ZDHHC20: variants seen among roughly 807,000 people sequenced by gnomAD.
ZDHHC20 encodes zDHHC palmitoyltransferase 20.
In ZDHHC20, 43 loss-of-function variants were observed where a neutral mutation model predicts 57.8. The observed-to-expected ratio is 0.74, with a 90% confidence interval of 0.58 to 0.96. The LOEUF is 0.96. ZDHHC20 is among the 40% of genes least tolerant of loss of function. The pLI is 0.00. For missense variants in ZDHHC20, 391 were observed against 441.1 expected (o/e 0.89, Z 1.02); for synonymous variants, 157 against 153.0 (o/e 1.03, Z -0.19).
intron 7 of ZDHHC20, among the ~76,000 whole-genome samples, chr13:21,396,477 G>A (rs184548902): frequency 1.3e-5 from 2 of 152,202 alleles, no homozygotes; most frequent in East Asian, 1.9e-4. Flanking sequence ...AAAAAGAACT[G>A]CTTTAAAAAT....
intron 1 of ZDHHC20, among the ~76,000 whole-genome samples, chr13:21,454,904 T>A (rs1204255513): frequency 2.6e-5 from 4 of 151,446 alleles, no homozygotes; most frequent in Non-Finnish European, 5.9e-5. Flanking sequence ...ATAGCTCTTT[T>A]GTTTGTTTGT....
intron 1 of ZDHHC20, among the ~76,000 whole-genome samples, chr13:21,447,277 GCTCTCC>G (rs1169530125): frequency 7.1e-4 from 105 of 147,942 alleles, no homozygotes; most frequent in African/African-American, 1.6e-3. Flanking sequence ...AGATGTGAGC[GCTCTCC>G]CTCTCCCTCT....
intron 8 of ZDHHC20, among the ~76,000 whole-genome samples, chr13:21,389,447 C>T (rs1875233683): frequency 6.6e-6 from 1 of 152,092 alleles, no homozygotes; most frequent in Admixed American, 6.6e-5. Flanking sequence ...GAATATACTG[C>T]ATATAGTAGA....
intron 1 of ZDHHC20, among the ~76,000 whole-genome samples, chr13:21,447,964 C>T (rs1883945337): frequency 8.8e-6 from 1 of 113,208 alleles, no homozygotes; most frequent in Non-Finnish European, 2.0e-5. Context: ...AGCGCCTCTG[C>T]CCGGCCGAGA....
At position 21,413,680 on chromosome 13, in the gene ZDHHC20, T is replaced by A; in HGVS notation, c.342A>T (p.Leu114Phe). ...TTGAAGCTGATGTGGTATAGATAGG[T>A]AAAGCTCTTGCTGCTCTTCTCAAAA... ...QEILRRAARA[L>F]PIYTTSASKT... The change falls in exon 4 of 13, where the codon TTA becomes TTT. Residue 114 changes from leucine to phenylalanine, a missense_variant. This residue lies in a region of ZDHHC20 where 185 missense variants were observed against 188.0 expected (regional missense o/e 0.98). Coordinates refer to ENST00000400590, the MANE Select transcript of ZDHHC20 (RefSeq NM_001330059.2). The A allele has an allele frequency of 6.2e-7, 1 of 1,609,968 alleles. No homozygotes were observed. Among genetic ancestry groups the A allele is most frequent in the Non-Finnish European group, 8.5e-7 (1 of 1,179,222 alleles).
At chr13:21,440,518 C>T (rs1432328349) in intron 1 of ZDHHC20, among the ~76,000 whole-genome samples, 1 of 151,894 alleles carries the variant, frequency 6.6e-6, no homozygotes, top group Non-Finnish European at 1.5e-5. Context: ...GGCTGAGGCA[C>T]AAGAATCACT....
intron 7 of ZDHHC20, among the ~76,000 whole-genome samples, chr13:21,392,508 G>A (rs1875922896): frequency 6.6e-6 from 1 of 152,134 alleles, no homozygotes; most frequent in South Asian, 2.1e-4. Context: ...TGTCTACAGA[G>A]CCTTTGTGCA....
chr13:21,391,860 G>A lies in ZDHHC20; in HGVS notation c.595-6C>T. ...CGTGTATCTGTCAGTTCATTCTGAG[G>A]AAAAAAAGAAGTTAATTTTGAGGTC... On this transcript the variant is annotated splice_polypyrimidine_tract_variant and splice_region_variant and intron_variant, in intron 7 of 12. Coordinates refer to ENST00000400590, the MANE Select transcript of ZDHHC20 (RefSeq NM_001330059.2). 1 of 1,601,830 alleles carries A rather than the reference G, an allele frequency of 6.2e-7. No homozygotes were observed. The highest frequency in any genetic ancestry group is 8.5e-7 in the Non-Finnish European group (1 of 1,175,708).
At chr13:21,407,795 A>G (rs1878661100) in intron 4 of ZDHHC20, among the ~76,000 whole-genome samples, 1 of 152,210 alleles carries the variant, frequency 6.6e-6, no homozygotes, top group Non-Finnish European at 1.5e-5. Flanking sequence ...TAATTTTTGT[A>G]TAAGGTGTAA....
chr13:21,385,329 T>C (rs897686016), intron 9 of ZDHHC20, among the ~76,000 whole-genome samples: 2 of 152,282 alleles, frequency 1.3e-5, no homozygotes, highest in Middle Eastern at 3.4e-3. Flanking sequence ...CTTTGGAGGC[T>C]GAGGCACAAG....
rs2137581499 is a variant in ZDHHC20 at position 21,373,730 on chromosome 13, G to C, written c.*2966C>G. ...GATAGTACTTCTAAAATTTGACAGG[G>C]CTTCATTTTGATTTTTTCTCCCCAA... On this transcript the variant is annotated 3_prime_UTR_variant, in exon 13 of 13. Coordinates refer to ENST00000400590, the MANE Select transcript of ZDHHC20 (RefSeq NM_001330059.2). 1 of 152,282 alleles carries C rather than the reference G, an allele frequency of 6.6e-6. No individual in the cohort carries two copies. Among genetic ancestry groups the C allele is most frequent in the Non-Finnish European group, 1.5e-5 (1 of 68,030 alleles). The allele number at this position is 152,282 out of a possible 1,614,324, so 9.4% of individuals were successfully genotyped here.
chr13:21,404,649 G>C (rs1189413432), intron 4 of ZDHHC20, among the ~76,000 whole-genome samples: 11 of 151,934 alleles, frequency 7.2e-5, no homozygotes, highest in Non-Finnish European at 1.3e-4. Context: ...AGCTACTCGG[G>C]AGGCTGAGGC....
rs1264041703 is a variant in ZDHHC20 at position 21,378,712 on chromosome 13, T to C, written c.1087A>G (p.Ile363Val). The part of the protein sequence containing the change: ...SGTNNHVTVA[I>V]EN ...TGAACAAGTGGTACTCAATTTTCTA[T>C]TGCCACTGTTACATGGTTATTTGTC... The change falls in exon 12 of 13, where the codon ATA becomes GTA. Residue 363 changes from isoleucine (I) to valine (V), a missense_variant. Coordinates refer to ENST00000400590, the MANE Select transcript of ZDHHC20 (RefSeq NM_001330059.2). 8 of 1,474,324 alleles carry C rather than the reference T, an allele frequency of 5.4e-6. No individual in the cohort carries two copies. The highest frequency in any genetic ancestry group is 6.3e-6 in the Non-Finnish European group (7 of 1,105,444). 91.3% of individuals were successfully genotyped at this position (1,474,324 alleles called of 1,614,324 possible).
chr13:21,417,053 C>T (rs569334240), intron 3 of ZDHHC20, among the ~76,000 whole-genome samples: 60 of 152,248 alleles, frequency 3.9e-4, no homozygotes, highest in Non-Finnish European at 6.9e-4. Context: ...CTGTTATATA[C>T]GAGGTCTGAT....
intron 1 of ZDHHC20, among the ~76,000 whole-genome samples, chr13:21,446,545 G>A (rs1379303495): frequency 6.6e-6 from 1 of 152,162 alleles, no homozygotes. Context: ...CATTGGGAAA[G>A]CCAAAATAGA....
chr13:21,396,228 T>C (rs1409026752), intron 7 of ZDHHC20, among the ~76,000 whole-genome samples: 1 of 152,134 alleles, frequency 6.6e-6, no homozygotes, highest in Non-Finnish European at 1.5e-5. Context: ...TCAGTGGCAA[T>C]TGTCTCCTGA....
chr13:21,409,144 C>G (rs1457840174), intron 4 of ZDHHC20, among the ~76,000 whole-genome samples: 2 of 152,094 alleles, frequency 1.3e-5, no homozygotes, highest in African/African-American at 4.8e-5. Flanking sequence ...GGGAGGAGTC[C>G]CCCTTTTTCT....
intron 1 of ZDHHC20, among the ~76,000 whole-genome samples, chr13:21,448,503 CCGGGAGG>C: frequency 1.0e-5 from 1 of 99,570 alleles, no homozygotes; most frequent in Non-Finnish European, 2.4e-5. Flanking sequence ...GCCGCCCCGT[CCGGGAGG>C]TGAGGGGCAC....
chr13:21,457,275 C>T (rs183391735), intron 1 of ZDHHC20, among the ~76,000 whole-genome samples: 5 of 152,222 alleles, frequency 3.3e-5, no homozygotes, highest in Admixed American at 6.5e-5. Context: ...TTTAGTGTTC[C>T]TTCAGCTTTA....
Sources: allele counts gnomAD v4.1 joint callset (sites outside exome capture counted in the v4.1 genomes callset), GRCh38; gene constraint gnomAD v4.1.1; regional missense constraint gnomAD v4.1.1; transcripts MANE v1.5; gene names NCBI Gene and HGNC (gene_info 2026-07-23, HGNC 2026-07-21).